The following SAC3D1 variants were observed in gnomAD, a reference collection of about 807,000 sequenced individuals.
The protein encoded by SAC3D1 is SAC3 domain-containing protein 1.
A neutral mutation model predicts 12.7 loss-of-function variants in SAC3D1; 10 were observed. The observed-to-expected ratio is 0.79, with a 90% CI of 0.49 to 1.34. The LOEUF (loss-of-function observed/expected upper bound fraction) is 1.34. Ranked by LOEUF, SAC3D1 falls within the 40% of genes most tolerant of loss-of-function variation. SAC3D1 has a pLI of 0.00. For missense variants in SAC3D1, 482 were observed against 531.1 expected, an observed-to-expected ratio of 0.91 and a Z score of 0.91; for synonymous variants, 241 against 250.8, an observed-to-expected ratio of 0.96 and a Z score of 0.37.
chr11:65,042,840 C>T (rs1375106762), intron 1 of SAC3D1, among the ~76,000 whole-genome samples: 1 of 151,728 alleles, frequency 6.6e-6, no homozygotes, highest in Non-Finnish European at 1.5e-5. Context: ...CTGCACCCGG[C>T]CTGTTTGTGT....
At chr11:65,043,184 T>C in intron 1 of SAC3D1, 1 of 326,022 alleles carries the variant, frequency 3.1e-6, no homozygotes, top group Non-Finnish European at 6.3e-6. Context: ...CCTGGTCTAG[T>C]GGGGGAAGAA....
At chr11:65,042,542 GTTTC>G (rs1375256353) in intron 1 of SAC3D1, among the ~76,000 whole-genome samples, 2 of 151,144 alleles carry the variant, frequency 1.3e-5, no homozygotes, top group African/African-American at 4.9e-5. Context: ...CTTATTATTT[GTTTC>G]TTTCTTTGTT....
At position 65,044,454 on chromosome 11, in the gene SAC3D1, C is replaced by T. The variant is rs199990147; in HGVS notation, c.804C>T (p.Pro268=). 133 of 1,613,868 alleles carry T rather than the reference C, an allele frequency of 8.2e-5. No individual in the cohort carries two copies. In the Middle Eastern group the frequency reaches 1.3e-3, roughly 16 times the overall value. The change falls in exon 2 of 2, where the codon CCC becomes CCT. Residue 268 remains proline (P), a synonymous_variant. Transcript: ENST00000652489. The surrounding 1 kb of genome is among the most constrained non-coding windows in gnomAD (Gnocchi z 4.0). Reference sequence around the variant, plus strand: ...GCTTCGCTCGTGCCTTTAGCACCCCCAAGGGCCAGACCTTGCCTCTGGGCT... The same window carrying T: ...GCTTCGCTCGTGCCTTTAGCACCCCTAAGGGCCAGACCTTGCCTCTGGGCT... ...LARFARAFST[P]KGQTLPLGFM... is the part of the protein sequence containing the mutation.
Position 65,044,780 on chromosome 11 carries a change from T to C in SAC3D1, c.*53T>C. The C allele has an allele frequency of 1.9e-6, 3 of 1,552,848 alleles. No individual in the cohort carries two copies. The highest frequency in any genetic ancestry group is 2.6e-6 in the Non-Finnish European group (3 of 1,152,524). The stretch of plus-strand genomic sequence containing the variant: ...CAGGACTGGGCCAGAGCACTTAGGT[T>C]TCTTTTTCCATGGTTTCCAGGTAAT... On this transcript the variant is annotated 3_prime_UTR_variant, in exon 2 of 2. Coordinates refer to ENST00000652489, the MANE Select transcript of SAC3D1 (RefSeq NM_013299.4). This position sits in a 1 kb window ranked among gnomAD's most constrained non-coding sequence, Gnocchi z 4.0.
chr11:65,041,963 C>G, intron 1 of SAC3D1, 97 bp downstream of exon 1: 2 of 1,269,530 alleles, frequency 1.6e-6, no homozygotes, highest in Non-Finnish European at 2.0e-6. Flanking sequence ...AACATCTCAC[C>G]ATTAGCCCCC....
chr11:65,042,680 TACAGG>T (rs1188831742), intron 1 of SAC3D1, among the ~76,000 whole-genome samples: 1 of 152,016 alleles, frequency 6.6e-6, no homozygotes, highest in Non-Finnish European at 1.5e-5. Flanking sequence ...GAGCTGGGAC[TACAGG>T]CGTGCACCAC....
intron 1 of SAC3D1, among the ~76,000 whole-genome samples, chr11:65,043,940 G>A (rs778108239): frequency 6.6e-6 from 1 of 152,172 alleles, no homozygotes; most frequent in Non-Finnish European, 1.5e-5. Context: ...ACTCTCAGGC[G>A]AATCATTCAA....
rs1012569784 is a variant in SAC3D1 at position 65,041,876 on chromosome 11, G to C, written c.574+10G>C. On this transcript the variant is annotated intron_variant, in intron 1 of 1. Coordinates refer to ENST00000652489, the MANE Select transcript of SAC3D1 (RefSeq NM_013299.4). ...CTGCTCTATAACCTGGGTGAGTCGG[G>C]ATCCTGGCGGCTGGGCAGAGCGTGG... The C allele has an allele frequency of 7.0e-6, 10 of 1,428,290 alleles. No individual in the cohort carries two copies. Among genetic ancestry groups the C allele is most frequent in the Non-Finnish European group, 9.1e-6 (10 of 1,098,654 alleles). 88.5% of individuals were successfully genotyped at this position (1,428,290 alleles called of 1,614,324 possible).
In SAC3D1 at chr11:65,044,816, T is replaced by G. The variant is rs1434376166; in HGVS notation, c.*89T>G. The G allele has an allele frequency of 7.1e-7, 1 of 1,400,236 alleles. No homozygotes were observed. Among genetic ancestry groups the G allele is most frequent in the African/African-American group, 1.4e-5 (1 of 69,484 alleles). 86.7% of individuals were successfully genotyped at this position (1,400,236 alleles called of 1,614,324 possible). ...TGGTTTCCAGGTAATAAAAGGAACT[T>G]GTTTTGTTGGTACCAGTCACTAGAT... On this transcript the variant is annotated 3_prime_UTR_variant, in exon 2 of 2. Coordinates refer to ENST00000652489, the MANE Select transcript of SAC3D1 (RefSeq NM_013299.4). The surrounding 1 kb of genome is among the most constrained non-coding windows in gnomAD (Gnocchi z 4.0).
chr11:65,044,595 G>A lies in SAC3D1; in HGVS notation c.945G>A (p.Val315=). ...ERVVFLRGRY[V]EEGLPPASTC... is the part of the protein sequence containing the mutation. ...TTGTGTTCCTGAGGGGTCGCTACGT[G>A]GAGGAAGGGCTACCGCCTGCCAGTA... The change falls in exon 2 of 2, where the codon GTG becomes GTA. Residue 315 remains valine (V), a synonymous_variant. Transcript: ENST00000652489. The surrounding 1 kb of genome is among the most constrained non-coding windows in gnomAD (Gnocchi z 4.0). The A allele has an allele frequency of 6.2e-7, 1 of 1,614,094 alleles. No homozygotes were observed. Among genetic ancestry groups the A allele is most frequent in the Non-Finnish European group, 8.5e-7 (1 of 1,180,034 alleles).
upstream of SAC3D1, chr11:65,041,199 G>T (rs778123105): frequency 8.4e-7 from 1 of 1,186,710 alleles, no homozygotes; most frequent in Non-Finnish European, 1.1e-6. Context: ...GCCCCGACCC[G>T]CCGCTCCCCA....
intron 1 of SAC3D1, among the ~76,000 whole-genome samples, chr11:65,042,388 C>G (rs866309182): frequency 6.6e-6 from 1 of 152,144 alleles, no homozygotes; most frequent in African/African-American, 2.4e-5. Flanking sequence ...AGCCACCGCG[C>G]CCGGCTGATT....
At chr11:65,043,160 G>A in intron 1 of SAC3D1, 1 of 375,024 alleles carries the variant, frequency 2.7e-6, no homozygotes, top group Non-Finnish European at 5.4e-6. Flanking sequence ...TCTGAAGAAG[G>A]CATGGTAATT....
At chr11:65,042,530 C>T (rs537101937) in intron 1 of SAC3D1, among the ~76,000 whole-genome samples, 76 of 151,842 alleles carry the variant, frequency 5.0e-4, no homozygotes, top group African/African-American at 1.8e-3. Flanking sequence ...TTCCAATAAA[C>T]TCTTATTATT....
rs1565214096 is a variant in SAC3D1 at position 65,044,742 on chromosome 11, C to G, written c.*15C>G. 6.2e-7 allele frequency: 1 copy of G among 1,606,532 alleles called. No individual in the cohort carries two copies. The highest frequency in any genetic ancestry group is 1.7e-5 in the Admixed American group (1 of 59,830). ...CCCCAGCCTGAGGAGGGAGCGTGAG[C>G]CTCCCAGAGCCCCAGGACTGGGCCA... On this transcript the variant is annotated 3_prime_UTR_variant, in exon 2 of 2. Coordinates refer to ENST00000652489, the MANE Select transcript of SAC3D1 (RefSeq NM_013299.4). The surrounding 1 kb of genome is among the most constrained non-coding windows in gnomAD (Gnocchi z 4.0).
upstream of SAC3D1, chr11:65,040,960 C>T (rs11605583): frequency 0.022 from 8,590 of 397,448 alleles, 126 homozygotes; most frequent in African/African-American, 0.048. Flanking sequence ...GCGGCCCGGG[C>T]TACACGTTAA....
intron 1 of SAC3D1, among the ~76,000 whole-genome samples, chr11:65,043,954 T>C (rs529072310): frequency 3.9e-5 from 6 of 152,342 alleles, no homozygotes; most frequent in Non-Finnish European, 5.9e-5. Context: ...CATTCAATTA[T>C]CTGGGCCAGC....
rs568312748 is a variant in SAC3D1, at chr11:65,044,772, A to C, written c.*45A>C. 37 of 1,563,206 alleles carry C rather than the reference A, an allele frequency of 2.4e-5. No individual in the cohort carries two copies. In the East Asian group the frequency reaches 8.4e-4, roughly 35 times the overall value. On this transcript the variant is annotated 3_prime_UTR_variant, in exon 2 of 2. Coordinates refer to ENST00000652489, the MANE Select transcript of SAC3D1 (RefSeq NM_013299.4). The surrounding 1 kb of genome is among the most constrained non-coding windows in gnomAD (Gnocchi z 4.0). The stretch of plus-strand genomic sequence containing the variant: ...CAGAGCCCCAGGACTGGGCCAGAGC[A>C]CTTAGGTTTCTTTTTCCATGGTTTC...
At chr11:65,043,444 G>GAA in intron 1 of SAC3D1, among the ~76,000 whole-genome samples, 1 of 151,512 alleles carries the variant, frequency 6.6e-6, no homozygotes, top group Non-Finnish European at 1.5e-5. Context: ...GTTCTGGCTG[G>GAA]GCCCTCTCTA....
Sources: allele counts gnomAD v4.1 joint callset (sites outside exome capture counted in the v4.1 genomes callset), GRCh38; gene constraint gnomAD v4.1.1; non-coding constraint Gnocchi (gnomAD v3.1); transcripts MANE v1.5; gene names NCBI Gene and HGNC (gene_info 2026-07-23, HGNC 2026-07-21).